Variants in FNDC1 observed in about 807,000 individuals in gnomAD.
FNDC1 encodes the protein fibronectin type III domain containing 1, also known as fibronectin type III domain-containing protein 1.
Under a neutral mutation model 168.0 loss-of-function variants are expected in FNDC1, and 96 were observed. The observed-to-expected ratio is 0.57, with a 90% CI of 0.48 to 0.68. The LOEUF is 0.68. FNDC1 is among the 30% of genes least tolerant of loss of function. The pLI, the probability that FNDC1 is intolerant of heterozygous loss-of-function variation, is 0.00. For synonymous variants in FNDC1, 1,099 were observed against 1,025.9 expected (o/e 1.07, Z -1.36); for missense variants, 2,587 against 2,482.1 (o/e 1.04, Z -0.90).
At chr6:159,171,246 T>C (rs1411844725) in intron 1 of FNDC1, among the ~76,000 whole-genome samples, 1 of 152,196 alleles carries the variant, frequency 6.6e-6, no homozygotes, top group Admixed American at 6.5e-5. Context: ...ACGTGGGATC[T>C]ACAGTCAAAT....
intron 1 of FNDC1, chr6:159,170,142 A>T (rs1417156155): frequency 6.6e-6 from 1 of 152,250 alleles, no homozygotes; most frequent in Non-Finnish European, 1.5e-5. Context: ...GACCGGAGGG[A>T]GGCAGAGCAG....
chr6:159,256,752 G>C, intron 18 of FNDC1, 121 bp downstream of exon 18: 1 of 737,104 alleles, frequency 1.4e-6, no homozygotes, highest in Non-Finnish European at 2.4e-6. Context: ...ACCCTGTTTG[G>C]TTCTAATAGA....
intron 17 of FNDC1, among the ~76,000 whole-genome samples, chr6:159,252,325 C>T (rs2115016573): frequency 6.6e-6 from 1 of 152,234 alleles, no homozygotes; most frequent in Middle Eastern, 3.4e-3. Context: ...CAGAGTTTGA[C>T]ATTCTCTGCC....
At chr6:159,265,977 T>C in intron 20 of FNDC1, 107 bp from the exon 21 acceptor site, 1 of 1,150,910 alleles carries the variant, frequency 8.7e-7, no homozygotes, top group Non-Finnish European at 1.2e-6. Flanking sequence ...CAAAAAGCCC[T>C]GTAAGGAAAG....
chr6:159,198,033 T>G (rs551661447), intron 2 of FNDC1, among the ~76,000 whole-genome samples: 48 of 152,358 alleles, frequency 3.2e-4, no homozygotes, highest in African/African-American at 1.1e-3. Context: ...CCCCTGGAGA[T>G]GTGGAATACG....
Position 159,233,753 on chromosome 6 carries a change from G to A in FNDC1, c.3241G>A (p.Asp1081Asn). 4 of 1,548,432 alleles carry A rather than the reference G, an allele frequency of 2.6e-6. No homozygotes were observed. Among genetic ancestry groups the A allele is most frequent in the South Asian group, 1.2e-5 (1 of 83,808 alleles). The change falls in exon 11 of 23, where the codon GAC (aspartate) becomes AAC (asparagine). Residue 1081 changes from aspartate (D) to asparagine (N), a missense_variant. By Grantham distance (23) the Asp-to-Asn change is conservative. Coordinates refer to ENST00000297267, the MANE Select transcript of FNDC1 (RefSeq NM_032532.3). The surrounding 1 kb of genome is among the most constrained non-coding windows in gnomAD (Gnocchi z 4.6). ...QDEDAQGSYD[D>N]DSTEVEAQDV... ...CGAGGATGCCCAGGGCAGCTACGAC[G>A]ACGACAGCACAGAAGTCGAGGCCCA...
rs767577555 is a variant in FNDC1, at chr6:159,246,856, G to A, written c.4622-45G>A. ...GGGGCCTGCTTCTGAGAGAACCCTG[G>A]AGAAGGAGCGCTGGATGACTGGTCC... On this transcript the variant is annotated intron_variant, in intron 14 of 22. Coordinates refer to ENST00000297267, the MANE Select transcript of FNDC1 (RefSeq NM_032532.3). 11 of 1,396,648 alleles carry A rather than the reference G, an allele frequency of 7.9e-6. No homozygotes were observed. The South Asian group carries it at 1.3e-4, about 16-fold the overall frequency. 86.5% of individuals were successfully genotyped at this position (1,396,648 alleles called of 1,614,324 possible). A position where few individuals can be genotyped will look rare whatever the true frequency, so the allele number is the denominator to read the frequency against.
chr6:159,201,629 A>G (rs1055012466), intron 4 of FNDC1, among the ~76,000 whole-genome samples: 2 of 152,224 alleles, frequency 1.3e-5, no homozygotes, highest in Non-Finnish European at 2.9e-5. Flanking sequence ...AGCAGAAAGA[A>G]GATCAGGAGG....
Position 159,234,248 on chromosome 6 carries a change from C to T in FNDC1, c.3736C>T (p.Pro1246Ser), listed in dbSNP as rs767083016. ...GGCTCCTGTGAAGCGACCTCTCCCCCCACCTCCAGGCAGCTCCCCCAGGGC... is the reference window on the plus strand; with the variant it reads ...GGCTCCTGTGAAGCGACCTCTCCCCTCACCTCCAGGCAGCTCCCCCAGGGC... Reference protein sequence around the residue: ...SLAPVKRPLPPPPGSSPRASH... With the variant: ...SLAPVKRPLPSPPGSSPRASH... The change falls in exon 11 of 23, where the codon CCA becomes TCA. Residue 1246 changes from proline (P) to serine (S), a missense_variant. Transcript: ENST00000297267. 1.7e-5 allele frequency: 27 copies of T among 1,591,788 alleles called. No individual in the cohort carries two copies. Among genetic ancestry groups the T allele is most frequent in the Non-Finnish European group, 2.1e-5 (24 of 1,169,254 alleles).
intron 14 of FNDC1, among the ~76,000 whole-genome samples, chr6:159,246,382 T>C (rs1777125022): frequency 6.6e-6 from 1 of 152,202 alleles, no homozygotes; most frequent in Non-Finnish European, 1.5e-5. Context: ...TTCTAGAATA[T>C]TCCAGAAGCA....
In FNDC1 at chr6:159,169,621, C is replaced by G; in HGVS notation, c.25C>G (p.Leu9Val). MAPEAGAT[L>V]RAPRRLSWAA... ...GATGGCCCCCGAGGCCGGGGCGACC[C>G]TGCGCGCGCCGCGCCGGCTGTCCTG... Residue 9 changes from leucine (L) to valine (V), a missense_variant, in exon 1 of 23, where the codon CTG becomes GTG. Leu to Val is a conservative substitution (Grantham distance 32). Coordinates refer to ENST00000297267, the MANE Select transcript of FNDC1 (RefSeq NM_032532.3). The surrounding 1 kb of genome is among the most constrained non-coding windows in gnomAD (Gnocchi z 6.8). 1 of 1,136,792 alleles carries G rather than the reference C, an allele frequency of 8.8e-7. No homozygotes were observed. Among genetic ancestry groups the G allele is most frequent in the Non-Finnish European group, 1.1e-6 (1 of 928,052 alleles). The allele number at this position is 1,136,792 out of a possible 1,614,324, so 70.4% of individuals were successfully genotyped here. A position where few individuals can be genotyped will look rare whatever the true frequency, so the allele number is the denominator to read the frequency against.
Position 159,233,940 on chromosome 6 carries a change from GC to G in FNDC1, c.3433del (p.Gln1145SerfsTer96). ...CCCGCCAGGCCCAGCCGACCCGGCG[GC>G]CCCCAGTCCCGCGCCCGGGTACCCA... ...ASPARPSRPG[G>X]PQSRARVPSR... On this transcript the variant is annotated frameshift_variant, in exon 11 of 23. Transcript: ENST00000297267. LOFTEE classifies it high-confidence loss of function. The surrounding 1 kb of genome is among the most constrained non-coding windows in gnomAD (Gnocchi z 4.6). The G allele has an allele frequency of 1.3e-6, 2 of 1,560,924 alleles. No homozygotes were observed. Among genetic ancestry groups the G allele is most frequent in the Non-Finnish European group, 1.7e-6 (2 of 1,152,736 alleles).
chr6:159,267,730 T>C, intron 21 of FNDC1, 74 bp from the exon 22 acceptor site: 1 of 1,546,280 alleles, frequency 6.5e-7, no homozygotes, highest in Non-Finnish European at 8.9e-7. Context: ...TCTCCAAAGC[T>C]TGTGCAAAAA....
At chr6:159,172,664 G>T (rs1276034243) in intron 1 of FNDC1, among the ~76,000 whole-genome samples, 3 of 152,144 alleles carry the variant, frequency 2.0e-5, no homozygotes, top group Non-Finnish European at 2.9e-5. Context: ...TGGGTAAAAG[G>T]TCTGTTCAAA....
chr6:159,205,634 CCTTT>C (rs1159175341), intron 4 of FNDC1, among the ~76,000 whole-genome samples: 1 of 152,170 alleles, frequency 6.6e-6, no homozygotes, highest in African/African-American at 2.4e-5. Flanking sequence ...CTTCTAGGTT[CCTTT>C]CTAAGAACTT....
chr6:159,260,759 T>C (rs1777464042), intron 18 of FNDC1, among the ~76,000 whole-genome samples: 1 of 152,184 alleles, frequency 6.6e-6, no homozygotes, highest in Non-Finnish European at 1.5e-5. Context: ...AATTCTGCTT[T>C]GTAGTGTTTT....
At chr6:159,187,994 G>T (rs561054199) in intron 1 of FNDC1, among the ~76,000 whole-genome samples, 1 of 152,148 alleles carries the variant, frequency 6.6e-6, no homozygotes, top group South Asian at 2.1e-4. Context: ...ATTATCTGTT[G>T]ACTTTTTGGT....
At chr6:159,268,349 G>A (rs1220688268) in intron 22 of FNDC1, among the ~76,000 whole-genome samples, 1 of 152,148 alleles carries the variant, frequency 6.6e-6, no homozygotes, top group Non-Finnish European at 1.5e-5. Context: ...GCACCCTTTT[G>A]ATTATGCACT....
At chr6:159,237,735 G>A (rs999105962) in intron 12 of FNDC1, among the ~76,000 whole-genome samples, 2 of 152,170 alleles carry the variant, frequency 1.3e-5, no homozygotes, top group African/African-American at 4.8e-5. Flanking sequence ...ACTTCTCAAA[G>A]ATAACCACTG....
Sources: allele counts gnomAD v4.1 joint callset (sites outside exome capture counted in the v4.1 genomes callset), GRCh38; gene constraint gnomAD v4.1.1; non-coding constraint Gnocchi (gnomAD v3.1); transcripts MANE v1.5; gene names NCBI Gene and HGNC (gene_info 2026-07-23, HGNC 2026-07-21).